ATP7B: variants seen among roughly 807,000 people sequenced by gnomAD.
ATP7B encodes the protein ATPase copper transporting beta.
In ATP7B, 113 loss-of-function variants were observed where a neutral mutation model predicts 118.9. The observed-to-expected ratio is 0.95, with a 90% CI of 0.82 to 1.11. The LOEUF is 1.11. Among genes scored for constraint, ATP7B ranks in the 50% most tolerant of loss-of-function variants. ATP7B has a pLI of 0.00. For missense variants in ATP7B, 1,867 were observed against 1,871.4 expected, an observed-to-expected ratio of 1.00 and a Z score of 0.04; for synonymous variants, 777 against 727.4, an observed-to-expected ratio of 1.07 and a Z score of -1.10.
intron 1 of ATP7B, among the ~76,000 whole-genome samples, chr13:52,001,987 G>C (rs148623664): frequency 1.3e-5 from 2 of 152,118 alleles, no homozygotes; most frequent in Non-Finnish European, 2.9e-5. Flanking sequence ...AGTAGAGACA[G>C]GGGTTTCACT....
intron 1 of ATP7B, among the ~76,000 whole-genome samples, chr13:51,984,250 C>T (rs1405434536): frequency 6.6e-6 from 1 of 151,960 alleles, no homozygotes; most frequent in Non-Finnish European, 1.5e-5. Context: ...AAACACAGCA[C>T]AAGAACTTCG....
rs2140077796 is a variant in ATP7B, at chr13:51,974,193, A to G, written c.1027T>C (p.Ser343Pro). The change falls in exon 2 of 21, where the codon TCT becomes CCT. Residue 343 changes from serine (S) to proline (P), a missense_variant. Physicochemically the swap from Ser to Pro is moderately conservative, Grantham distance 74. Transcript: ENST00000242839. ...CTCGGTGGGGAGCCAGGGGAATGAG[A>G]ACTGGAAGACCTGTGATCTGTCCCA... is the stretch of plus-strand genomic sequence containing the variant. The part of the protein sequence containing the change: ...GSGTDHRSSS[S>P]HSPGSPPRNQ... 2 of 1,613,808 alleles carry G rather than the reference A, an allele frequency of 1.2e-6. No homozygotes were observed. The highest frequency in any genetic ancestry group is 1.7e-6 in the Non-Finnish European group (2 of 1,179,948).
chr13:51,962,128 A>T (rs1204905715), intron 5 of ATP7B, among the ~76,000 whole-genome samples: 1 of 152,122 alleles, frequency 6.6e-6, no homozygotes, highest in Non-Finnish European at 1.5e-5. Context: ...GCTTCCCCAG[A>T]CTCCAAAGCT....
chr13:51,982,059 T>G (rs1437158350), intron 1 of ATP7B, among the ~76,000 whole-genome samples: 1 of 151,724 alleles, frequency 6.6e-6, no homozygotes, highest in Non-Finnish European at 1.5e-5. Flanking sequence ...GCGTATTTTA[T>G]GTGTGGCCGA....
chr13:51,943,069 A>G (rs1957432048), intron 14 of ATP7B, among the ~76,000 whole-genome samples: 2 of 152,188 alleles, frequency 1.3e-5, no homozygotes, highest in South Asian at 2.1e-4. Flanking sequence ...GGGTAAAGGA[A>G]TGGCTGGGGT....
chr13:51,975,024 C>T lies in ATP7B; in HGVS notation c.196G>A (p.Gly66Ser). The T allele has an allele frequency of 6.2e-7, 1 of 1,614,194 alleles. No homozygotes were observed. The highest frequency in any genetic ancestry group is 1.1e-5 in the South Asian group (1 of 91,080). The change falls in exon 2 of 21, where the codon GGC (glycine) becomes AGC (serine). Residue 66 changes from glycine (G) to serine (S), a missense_variant. Transcript: ENST00000242839. Reference sequence around the variant, plus strand: ...TTCACACATGACTGGCAAGTCATGCCCAAGATCCTGACTGTGCTGGTGGCC... The same window carrying T: ...TTCACACATGACTGGCAAGTCATGCTCAAGATCCTGACTGTGCTGGTGGCC... Reference protein sequence around the residue: ...QVATSTVRILGMTCQSCVKSI... With the variant: ...QVATSTVRILSMTCQSCVKSI...
chr13:51,957,745 G>T lies in ATP7B; in HGVS notation c.2356-138C>A, dbSNP rs2139511156. The T allele has an allele frequency of 5.1e-6, 4 of 786,922 alleles. No homozygotes were observed. In the East Asian group the frequency reaches 8.1e-5, roughly 16 times the overall value. The allele number at this position is 786,922 out of a possible 1,614,324, so 48.7% of individuals were successfully genotyped here. A position where few individuals can be genotyped will look rare whatever the true frequency, so the allele number is the denominator to read the frequency against. On this transcript the variant is annotated intron_variant, in intron 8 of 20. Coordinates refer to ENST00000242839, the MANE Select transcript of ATP7B (RefSeq NM_000053.4). The stretch of plus-strand genomic sequence containing the variant: ...CACGGCACGATAAAAGGCTCTGCAG[G>T]TGGGCGTTACTTGCTATCCACCACA...
At position 51,955,486 on chromosome 13, in the gene ATP7B, G is replaced by A. The variant is rs112132514; in HGVS notation, c.2447+2030C>T. On this transcript the variant is annotated intron_variant, in intron 9 of 20. Coordinates refer to ENST00000242839, the MANE Select transcript of ATP7B (RefSeq NM_000053.4). Reference sequence around the variant, plus strand: ...CATGTTGCATGGTAGTAGTCAGGCCGTGCGTCCCCAGCCAAAAAATGAATC... The same window carrying A: ...CATGTTGCATGGTAGTAGTCAGGCCATGCGTCCCCAGCCAAAAAATGAATC... 3.5e-3 allele frequency among the ~76,000 whole-genome samples: 535 copies of A among 152,288 alleles called. 2 individuals carry two copies. Among genetic ancestry groups the A allele is most frequent in the African/African-American group, 0.012 (509 of 41,548 alleles).
rs17334263 is a variant in ATP7B, at chr13:51,964,108, A to AACACACACAC, written c.1869+754_1869+763dup. Among the ~76,000 whole-genome samples, 492 of 145,744 alleles carry AACACACACAC rather than the reference A, an allele frequency of 3.4e-3. 3 individuals carry two copies. Among genetic ancestry groups the AACACACACAC allele is most frequent in the African/African-American group, 0.011 (430 of 39,860 alleles). ...ACATAACAGACAGCATCTCTCTTTA[A>AACACACACAC]ACACACACACACACACACACACACA... On this transcript the variant is annotated intron_variant, in intron 5 of 20. Transcript: ENST00000242839.
At chr13:52,011,669 G>T (rs965511767), upstream of ATP7B, among the ~76,000 whole-genome samples, 3 of 152,212 alleles carry the variant, frequency 2.0e-5, no homozygotes, top group Non-Finnish European at 4.4e-5. Flanking sequence ...TGGAACTGCC[G>T]GCCCCGCCGG....
At chr13:51,967,583 T>C (rs1951625917) in intron 4 of ATP7B, among the ~76,000 whole-genome samples, 1 of 152,226 alleles carries the variant, frequency 6.6e-6, no homozygotes, top group Non-Finnish European at 1.5e-5. Context: ...AGGGAGGCCC[T>C]ACCACAGCAA....
chr13:51,947,212 A>G (rs1957721883), intron 12 of ATP7B, among the ~76,000 whole-genome samples: 1 of 152,228 alleles, frequency 6.6e-6, no homozygotes, highest in African/African-American at 2.4e-5. Flanking sequence ...ATGTGCTGGG[A>G]TTTATTCGTG....
intron 12 of ATP7B, among the ~76,000 whole-genome samples, chr13:51,948,921 T>C (rs1487877377): frequency 1.3e-5 from 2 of 152,314 alleles, no homozygotes; most frequent in South Asian, 2.1e-4. Flanking sequence ...GGCTCACACC[T>C]GAAATCCCAG....
intron 1 of ATP7B, among the ~76,000 whole-genome samples, chr13:52,002,076 G>A (rs1953516397): frequency 6.6e-6 from 1 of 152,150 alleles, no homozygotes; most frequent in Non-Finnish European, 1.5e-5. Flanking sequence ...GGGATTAGAG[G>A]TCTGAACCAC....
Position 51,939,197 on chromosome 13 carries a change from G to A in ATP7B, c.3557-4C>T. ...GCGATCATCCCACAGAGCACACCTG[G>A]AGCGAACCAGCCAGCATCAGCAGCT... On this transcript the variant is annotated splice_region_variant and splice_polypyrimidine_tract_variant and intron_variant, in intron 16 of 20. Transcript: ENST00000242839. 1 of 1,612,630 alleles carries A rather than the reference G, an allele frequency of 6.2e-7. No homozygotes were observed. The highest frequency in any genetic ancestry group is 1.6e-4 in the Middle Eastern group (1 of 6,062).
In ATP7B at chr13:52,011,214, C is replaced by T. The variant is rs970980995; in HGVS notation, c.51+73G>A. 3.1e-6 allele frequency: 5 copies of T among 1,611,242 alleles called. No individual in the cohort carries two copies. In the South Asian group the frequency reaches 4.4e-5, roughly 14 times the overall value. ...TGCGCACCCCCTGGGGGCGAGTAAG[C>T]GCCGAACGCGGGGAGGAAAATCCTC... On this transcript the variant is annotated intron_variant, in intron 1 of 20. Transcript: ENST00000242839.
intron 1 of ATP7B, among the ~76,000 whole-genome samples, chr13:52,000,896 T>G (rs1241118574): frequency 1.3e-5 from 2 of 152,136 alleles, no homozygotes; most frequent in Non-Finnish European, 2.9e-5. Flanking sequence ...GGTGCACACT[T>G]GTAGTCCCAG....
intron 13 of ATP7B, 78 bp downstream of exon 13, chr13:51,946,206 G>A: frequency 1.3e-6 from 2 of 1,519,838 alleles, no homozygotes; most frequent in South Asian, 1.2e-5. Flanking sequence ...TGGCTCTCAG[G>A]CTTTTCTCTC....
At position 51,937,581 on chromosome 13, in the gene ATP7B, C is replaced by A. The variant is rs1048771325; in HGVS notation, c.3798G>T (p.Gly1266=). ...QNKGKKVAMV[G]DGVNDSPALA... is the part of the protein sequence containing the mutation. ...AGGCCGGGGAGTCATTGACCCCATC[C>A]CCCACCATGGCGACTTTCTTCCCTT... Residue 1266 remains glycine (G), a synonymous_variant, in exon 18 of 21, where the codon GGG becomes GGT. Coordinates refer to ENST00000242839, the MANE Select transcript of ATP7B (RefSeq NM_000053.4). The A allele has an allele frequency of 6.2e-7, 1 of 1,614,166 alleles. No homozygotes were observed. Among genetic ancestry groups the A allele is most frequent in the East Asian group, 2.2e-5 (1 of 44,900 alleles).
Sources: gnomAD v4.1 joint callset for allele counts (sites outside exome capture counted in the v4.1 genomes callset) on GRCh38, gnomAD v4.1.1 for gene constraint, MANE v1.5 for transcripts, NCBI Gene and HGNC (gene_info 2026-07-23, HGNC 2026-07-21) for gene names.